WDR43: variants seen among roughly 807,000 people sequenced by gnomAD.
WDR43 encodes the protein WD repeat domain 43.
WDR43 carries 13 observed loss-of-function variants against 91.4 expected under a neutral mutation model. The observed-to-expected ratio is 0.14, with a 90% CI of 0.09 to 0.23. WDR43 has a LOEUF of 0.23. Ranked by LOEUF, WDR43 falls within the 10% of genes least tolerant of loss-of-function variation. The pLI is 1.00. For missense variants in WDR43, 780 were observed against 809.4 expected (o/e 0.96, Z 0.44); for synonymous variants, 331 against 287.9 (o/e 1.15, Z -1.51).
intron 6 of WDR43, among the ~76,000 whole-genome samples, chr2:28,918,204 A>G (rs994957586): frequency 6.6e-6 from 1 of 152,192 alleles, no homozygotes; most frequent in African/African-American, 2.4e-5. Context: ...GGACGGTAGT[A>G]AATTCAGGAA....
chr2:28,907,339 T>C lies in WDR43; in HGVS notation c.485+758T>C, dbSNP rs542392660. Among the ~76,000 whole-genome samples, 3 of 151,990 alleles carry C rather than the reference T, an allele frequency of 2.0e-5. No individual in the cohort carries two copies. The East Asian group carries it at 5.8e-4, about 29-fold the overall frequency. On this transcript the variant is annotated intron_variant, in intron 3 of 17. Transcript: ENST00000407426. ...CTGTCTGGTATGCAAGAGAGAGCCA[T>C]TGGCCAAGTGCAGTGGCTCATGCCT... is the stretch of plus-strand genomic sequence containing the variant.
chr2:28,946,718 G>C lies in WDR43; in HGVS notation c.1973G>C (p.Ser658Thr), dbSNP rs1272991857. 7 of 1,584,088 alleles carry C rather than the reference G, an allele frequency of 4.4e-6. No individual in the cohort carries two copies. Among genetic ancestry groups the C allele is most frequent in the Non-Finnish European group, 5.2e-6 (6 of 1,165,012 alleles). Residue 658 changes from serine to threonine, a missense_variant, in exon 18 of 18, where the codon AGT (serine) becomes ACT (threonine). By Grantham distance (58) the Ser-to-Thr change is moderately conservative. Transcript: ENST00000407426. ...EENGEDRDTA[S>T]EKELNGDSDL... ...AATGGCGAGGACAGAGATACAGCAA[G>C]TGAAAAAGAATTAAATGGAGATTCT...
chr2:28,917,387 A>AT (rs1474854829), intron 5 of WDR43, among the ~76,000 whole-genome samples: 1 of 152,204 alleles, frequency 6.6e-6, no homozygotes. Flanking sequence ...CAATACCGTT[A>AT]TAATGTTAAT....
At chr2:28,942,161 C>G (rs1234206131) in intron 15 of WDR43, 151 bp from the exon 16 acceptor site, 5 of 623,040 alleles carry the variant, frequency 8.0e-6, no homozygotes, top group African/African-American at 1.9e-5. Context: ...ATTTGAAGGA[C>G]TTTTTTGCTC....
intron 15 of WDR43, among the ~76,000 whole-genome samples, chr2:28,942,016 T>C (rs929749687): frequency 1.3e-5 from 2 of 152,232 alleles, no homozygotes; most frequent in Non-Finnish European, 2.9e-5. Context: ...TCAAATCTTT[T>C]TCTCACCATT....
chr2:28,927,634 A>G lies in WDR43; in HGVS notation c.1239A>G (p.Ala413=). 1 of 1,613,966 alleles carries G rather than the reference A, an allele frequency of 6.2e-7. No homozygotes were observed. Among genetic ancestry groups the G allele is most frequent in the Non-Finnish European group, 8.5e-7 (1 of 1,179,864 alleles). ...TGCCTGGGATTCCTGGTCATCATGC[A>G]GCTATCAAGCCCGCTCCTCCACAAA... The part of the protein sequence containing the change: ...VLVPGIPGHH[A]AIKPAPPQTE... Residue 413 remains alanine (A), a synonymous_variant, in exon 10 of 18, where the codon GCA becomes GCG. Coordinates refer to ENST00000407426, the MANE Select transcript of WDR43 (RefSeq NM_015131.3).
At chr2:28,926,415 T>A in intron 8 of WDR43, 53 bp from the exon 9 acceptor site, 3 of 1,327,328 alleles carry the variant, frequency 2.3e-6, no homozygotes, top group Non-Finnish European at 3.1e-6. Flanking sequence ...TGTTTGACAC[T>A]CTTTTTTTTT....
intron 1 of WDR43, chr2:28,895,396 GC>G (rs905990661): frequency 1.9e-5 from 3 of 154,222 alleles, no homozygotes; most frequent in Admixed American, 6.5e-5. Context: ...TCCCCCTCCT[GC>G]CCCCCCTTTG....
rs1671586629 is a variant in WDR43 at position 28,948,147 on chromosome 2, C to T, written c.*1368C>T. 6.6e-6 allele frequency: 1 copy of T among 152,094 alleles called. No individual in the cohort carries two copies. Among genetic ancestry groups the T allele is most frequent in the Non-Finnish European group, 1.5e-5 (1 of 68,024 alleles). The allele number at this position is 152,094 out of a possible 1,614,324, so 9.4% of individuals were successfully genotyped here. Reference sequence around the variant, plus strand: ...TGGTGTAATGTACAGTTATATTTGTCTATAAATGGAGCTGTTTATGGCAAT... The same window carrying T: ...TGGTGTAATGTACAGTTATATTTGTTTATAAATGGAGCTGTTTATGGCAAT... On this transcript the variant is annotated 3_prime_UTR_variant, in exon 18 of 18. Transcript: ENST00000407426.
chr2:28,913,925 C>G, intron 4 of WDR43, 144 bp from the exon 5 acceptor site: 3 of 956,464 alleles, frequency 3.1e-6, no homozygotes, highest in Non-Finnish European at 4.7e-6. Flanking sequence ...ACCTTATTTG[C>G]TTAGAATTGA....
intron 1 of WDR43, 161 bp downstream of exon 1, chr2:28,895,084 C>T: frequency 1.6e-6 from 1 of 643,658 alleles, no homozygotes; most frequent in Non-Finnish European, 2.2e-6. Flanking sequence ...GCCGCCAGCC[C>T]CGCGTGCGGC....
intron 1 of WDR43, among the ~76,000 whole-genome samples, chr2:28,896,230 G>A (rs1239025105): frequency 2.0e-5 from 3 of 152,166 alleles, no homozygotes; most frequent in African/African-American, 7.2e-5. Flanking sequence ...CGGAGCAGTG[G>A]TTAGGTAGGT....
At chr2:28,895,019 C>G in intron 1 of WDR43, 96 bp downstream of exon 1, 1 of 1,261,512 alleles carries the variant, frequency 7.9e-7, no homozygotes, top group South Asian at 1.8e-5. Flanking sequence ...GCGCGTGGCT[C>G]TCAGCGGCCC....
chr2:28,908,128 T>C (rs1286460960), intron 3 of WDR43, among the ~76,000 whole-genome samples: 1 of 152,178 alleles, frequency 6.6e-6, no homozygotes, highest in Admixed American at 6.5e-5. Context: ...GAGTTTAGTT[T>C]TCAGCTTTGC....
chr2:28,937,893 A>T, intron 13 of WDR43, 38 bp from the exon 14 acceptor site: 1 of 1,604,686 alleles, frequency 6.2e-7, no homozygotes, highest in Non-Finnish European at 8.5e-7. Flanking sequence ...TTACTTTTGA[A>T]TTTGTGAACA....
intron 1 of WDR43, chr2:28,895,386 T>C: frequency 6.4e-6 from 1 of 155,048 alleles, no homozygotes; most frequent in African/African-American, 2.4e-5. Context: ...TTCCGGACCT[T>C]CCCCCTCCTG....
intron 5 of WDR43, among the ~76,000 whole-genome samples, chr2:28,916,683 A>G (rs781027117): frequency 6.6e-6 from 1 of 152,122 alleles, no homozygotes; most frequent in African/African-American, 2.4e-5. Context: ...GTTATTTATA[A>G]TTGTTAAGTC....
intron 1 of WDR43, among the ~76,000 whole-genome samples, chr2:28,897,589 G>GT (rs1273059188): frequency 2.0e-5 from 3 of 152,148 alleles, no homozygotes; most frequent in African/African-American, 2.4e-5. Context: ...ATCTGGACTC[G>GT]TTTTACCATT....
At chr2:28,922,192 A>G (rs2148189665) in intron 6 of WDR43, among the ~76,000 whole-genome samples, 1 of 152,338 alleles carries the variant, frequency 6.6e-6, no homozygotes, top group Middle Eastern at 3.4e-3. Flanking sequence ...GATATATTAC[A>G]GTTGTGCAAA....
Sources: gnomAD v4.1 joint callset for allele counts (sites outside exome capture counted in the v4.1 genomes callset) on GRCh38, gnomAD v4.1.1 for gene constraint, MANE v1.5 for transcripts, NCBI Gene and HGNC (gene_info 2026-07-23, HGNC 2026-07-21) for gene names.